The following MICAL2 variants were observed in gnomAD, a reference collection of about 807,000 sequenced individuals.
The protein encoded by MICAL2 is [F-actin]-monooxygenase MICAL2.
Under a neutral mutation model 127.3 loss-of-function variants are expected in MICAL2, and 77 were observed. The ratio of observed to expected loss-of-function variants is 0.60; its 90% CI spans 0.50 to 0.73. The LOEUF (loss-of-function observed/expected upper bound fraction) is 0.73, where lower values mean the gene tolerates loss of function less well. Among genes scored for constraint, MICAL2 ranks in the 30% least tolerant of loss-of-function variants. The pLI is 0.00. For missense variants in MICAL2, 1,351 were observed against 1,434.4 expected (o/e 0.94, Z 0.94); for synonymous variants, 570 against 551.1 (o/e 1.03, Z -0.48).
At chr11:12,262,357 C>T (rs188549881) in intron 26 of MICAL2, 123 bp from the exon 27 acceptor site, 2 of 1,548,220 alleles carry the variant, frequency 1.3e-6, no homozygotes, top group African/African-American at 1.4e-5. Flanking sequence ...TTCCCTCTTT[C>T]AATCGTGGCC....
chr11:12,213,268 A>C lies in MICAL2; in HGVS notation c.705A>C (p.Lys235Asn). The C allele has an allele frequency of 1.2e-6, 2 of 1,612,046 alleles. No homozygotes were observed. Among genetic ancestry groups the C allele is most frequent in the Non-Finnish European group, 1.7e-6 (2 of 1,178,954 alleles). Residue 235 changes from lysine (K) to asparagine (N), a missense_variant, in exon 7 of 28, where the codon AAA becomes AAC. Transcript: ENST00000683283. Reference sequence around the variant, plus strand: ...CTCCTCATGCAGGGTTCAGAAGAAAAGAATTCCGTGGGAAGCTGGCGATTG... The same window carrying C: ...CTCCTCATGCAGGGTTCAGAAGAAACGAATTCCGTGGGAAGCTGGCGATTG... ...RRNTLEGFRR[K>N]EFRGKLAIAI...
At chr11:12,235,329 C>G (rs1007774074) in intron 15 of MICAL2, among the ~76,000 whole-genome samples, 1 of 152,118 alleles carries the variant, frequency 6.6e-6, no homozygotes, top group Non-Finnish European at 1.5e-5. Flanking sequence ...ATGCAATGGG[C>G]TTGGGTAGAG....
chr11:12,285,426 C>G (rs901591447), intron 2 of MICAL2, among the ~76,000 whole-genome samples: 1 of 152,172 alleles, frequency 6.6e-6, no homozygotes, highest in Non-Finnish European at 1.5e-5. Context: ...TGTCCCCAGG[C>G]AGGAAGGGGG....
At chr11:12,261,728 C>T (rs1206751988) in intron 26 of MICAL2, 1 of 985,432 alleles carries the variant, frequency 1.0e-6, no homozygotes, top group African/African-American at 1.7e-5. Flanking sequence ...CCCTGAAATC[C>T]TTGGGAAAAA....
intron 3 of MICAL2, 45 bp from the exon 4 acceptor site, chr11:12,204,205 A>G (rs3763822): frequency 0.11 from 170,226 of 1,578,072 alleles, 21,542 homozygotes; most frequent in African/African-American, 0.54. Flanking sequence ...CGTGTCTGTG[A>G]TGCTAGAGGT....
chr11:12,306,152 C>T (rs565591131), intron 29 of MICAL2, among the ~76,000 whole-genome samples: 9 of 152,290 alleles, frequency 5.9e-5, no homozygotes, highest in South Asian at 4.1e-4. Context: ...TAGATGAAGA[C>T]GTAACATTAC....
At chr11:12,292,384 A>G (rs545366320), downstream of MICAL2, 2 of 1,453,132 alleles carry the variant, frequency 1.4e-6, no homozygotes, top group African/African-American at 2.8e-5. Flanking sequence ...TCTGGATTCC[A>G]CGTGCTCATA....
At chr11:12,331,755 T>G (rs562930440) in intron 32 of MICAL2, among the ~76,000 whole-genome samples, 2 of 152,192 alleles carry the variant, frequency 1.3e-5, no homozygotes, top group South Asian at 4.2e-4. Context: ...CTCACAGAGG[T>G]GGTATGAAGA....
At chr11:12,258,009 GC>G (rs1360946549) in intron 24 of MICAL2, among the ~76,000 whole-genome samples, 1 of 152,184 alleles carries the variant, frequency 6.6e-6, no homozygotes, top group East Asian at 1.9e-4. Flanking sequence ...CCATTTAGCT[GC>G]CTGGCAACCG....
chr11:12,197,988 C>A (rs557806702), intron 3 of MICAL2, among the ~76,000 whole-genome samples: 1 of 152,260 alleles, frequency 6.6e-6, no homozygotes, highest in South Asian at 2.1e-4. Context: ...TCAGGAATAA[C>A]TGGATACAGA....
At position 12,204,292 on chromosome 11, in the gene MICAL2, A is replaced by G; in HGVS notation, c.307A>G (p.Ile103Val). ...GGGPCGLRTAIELAYLGAKVV... is the reference protein window; with the variant it reads ...GGGPCGLRTAVELAYLGAKVV... ...AGGACCCTGTGGCTTGCGCACTGCC[A>G]TTGAACTTGCCTACCTGGGAGCCAA... Residue 103 changes from isoleucine to valine, a missense_variant, in exon 4 of 28, where the codon ATT becomes GTT. Coordinates refer to ENST00000683283, the MANE Select transcript of MICAL2 (RefSeq NM_001282663.2). The G allele has an allele frequency of 1.2e-6, 2 of 1,613,238 alleles. No homozygotes were observed. Among genetic ancestry groups the G allele is most frequent in the Non-Finnish European group, 1.7e-6 (2 of 1,179,966 alleles).
intron 22 of MICAL2, chr11:12,254,241 G>A (rs1382484430): frequency 6.6e-6 from 1 of 152,236 alleles, no homozygotes; most frequent in Non-Finnish European, 1.5e-5. Flanking sequence ...CCTGCCAAGT[G>A]CCAGGCAATA....
intron 2 of MICAL2, among the ~76,000 whole-genome samples, chr11:12,156,047 G>A (rs1039783307): frequency 6.6e-6 from 1 of 152,226 alleles, no homozygotes; most frequent in African/African-American, 2.4e-5. Flanking sequence ...AGAGGGTTGG[G>A]GCCAGAAGGG....
At chr11:12,299,642 A>G (rs1590728127) in intron 29 of MICAL2, among the ~76,000 whole-genome samples, 1 of 152,202 alleles carries the variant, frequency 6.6e-6, no homozygotes, top group African/African-American at 2.4e-5. Context: ...ACATGCCCTG[A>G]GAACCTTTAA....
intron 1 of MICAL2, among the ~76,000 whole-genome samples, chr11:12,137,365 C>T (rs952672614): frequency 1.3e-5 from 2 of 152,242 alleles, no homozygotes; most frequent in African/African-American, 4.8e-5. Context: ...GGCAGCCAGT[C>T]CTGGGCTCCA....
intron 3 of MICAL2, among the ~76,000 whole-genome samples, chr11:12,182,582 A>G (rs1328320782): frequency 6.6e-6 from 1 of 152,156 alleles, no homozygotes; most frequent in Non-Finnish European, 1.5e-5. Flanking sequence ...CTCTTGTGTG[A>G]TATGAGAGAT....
chr11:12,180,351 T>TATATATATATATATATA (rs1565108124), intron 3 of MICAL2, among the ~76,000 whole-genome samples: 1 of 92,676 alleles, frequency 1.1e-5, no homozygotes, highest in Admixed American at 1.1e-4. Context: ...ATGTATATAT[T>TATATATATATATATATA]TTTTTTTTGG....
At chr11:12,116,440 G>T (rs1378349441) in intron 1 of MICAL2, among the ~76,000 whole-genome samples, 4 of 150,498 alleles carry the variant, frequency 2.7e-5, no homozygotes, top group Admixed American at 6.7e-5. Context: ...GACAAGGCAG[G>T]GCAAAGTTCC....
At chr11:12,205,249 G>A (rs10430879) in intron 4 of MICAL2, among the ~76,000 whole-genome samples, 32,194 of 152,032 alleles carry the variant, frequency 0.21, 6,724 homozygotes, top group African/African-American at 0.52. Context: ...CTGTGCAGAC[G>A]GGTTTTGGGA....
Sources: gnomAD v4.1 joint callset for allele counts (sites outside exome capture counted in the v4.1 genomes callset) on GRCh38, gnomAD v4.1.1 for gene constraint, MANE v1.5 for transcripts, NCBI Gene and HGNC (gene_info 2026-07-23, HGNC 2026-07-21) for gene names.